Variants in PDZD9 observed in about 807,000 individuals in gnomAD.
PDZD9 encodes PDZ domain containing 9, also known as PDZ domain-containing protein 9.
PDZD9 carries 13 observed loss-of-function variants against 16.3 expected under a neutral mutation model. The observed-to-expected ratio is 0.80, with a 90% CI of 0.52 to 1.27. The LOEUF (loss-of-function observed/expected upper bound fraction) is 1.27. Ranked by LOEUF, PDZD9 falls within the 50% of genes most tolerant of loss-of-function variation. The probability of loss-of-function intolerance (pLI) is 0.00; values close to 1 mark genes in which losing one functional copy is unlikely to be tolerated. For missense variants in PDZD9, 288 were observed against 310.9 expected, an observed-to-expected ratio of 0.93 and a Z score of 0.55; for synonymous variants, 120 against 111.0, an observed-to-expected ratio of 1.08 and a Z score of -0.51.
chr16:21,960,972 A>G, the PDZD9 span, among the ~76,000 whole-genome samples: 1 of 152,092 alleles, frequency 6.6e-6, no homozygotes, highest in Non-Finnish European at 1.5e-5. Context: ...CTAGGACTAT[A>G]GGCACATGAC....
the PDZD9 span, chr16:21,968,767 G>C: frequency 7.6e-7 from 1 of 1,308,024 alleles, no homozygotes; most frequent in Non-Finnish European, 1.0e-6. Flanking sequence ...ACATAGGATT[G>C]AACAAAATTT....
intron 3 of PDZD9, among the ~76,000 whole-genome samples, chr16:21,986,913 CT>C (rs1342372784): frequency 6.6e-6 from 1 of 152,102 alleles, no homozygotes; most frequent in East Asian, 1.9e-4. Flanking sequence ...TGCAAAGACC[CT>C]GAGGCAAAAC....
the PDZD9 span, among the ~76,000 whole-genome samples, chr16:21,974,327 G>A: frequency 3.3e-5 from 5 of 152,108 alleles, no homozygotes; most frequent in African/African-American, 1.2e-4. Flanking sequence ...AGGGATATGT[G>A]TGAATGATTG....
the PDZD9 span, chr16:21,968,694 A>C: frequency 6.2e-7 from 1 of 1,604,438 alleles, no homozygotes; most frequent in East Asian, 2.3e-5. Context: ...TGGTAAGTTT[A>C]GAGTATTGCC....
At chr16:21,983,360 C>G (rs543763530), downstream of PDZD9, 47 of 530,032 alleles carry the variant, frequency 8.9e-5, no homozygotes, top group Non-Finnish European at 1.4e-4. Flanking sequence ...GTTTTTCTTA[C>G]GTTTTTCTCA....
At chr16:21,961,261 G>A in the PDZD9 span, 1 of 411,070 alleles carries the variant, frequency 2.4e-6, no homozygotes, top group Non-Finnish European at 4.9e-6. Context: ...AAACCCCACA[G>A]TTTTTAATCA....
At chr16:21,961,628 A>T in the PDZD9 span, among the ~76,000 whole-genome samples, 83 of 28,636 alleles carry the variant, frequency 2.9e-3, 1 homozygote, top group African/African-American at 4.3e-3. Context: ...CATAAAATTT[A>T]TATATATATA....
the PDZD9 span, chr16:21,958,388 C>T: frequency 2.8e-6 from 2 of 712,696 alleles, no homozygotes; most frequent in Non-Finnish European, 4.8e-6. Flanking sequence ...TTTTGTTGAG[C>T]CTTGTTTTAT....
intron 2 of PDZD9, among the ~76,000 whole-genome samples, chr16:21,993,902 C>G (rs1899083018): frequency 6.6e-6 from 1 of 152,190 alleles, no homozygotes; most frequent in African/African-American, 2.4e-5. Context: ...ATGGCTCACA[C>G]CTGTAATCCC....
At chr16:21,968,785 T>C in the PDZD9 span, 5 of 1,071,704 alleles carry the variant, frequency 4.7e-6, no homozygotes, top group East Asian at 1.4e-4. Flanking sequence ...TTTGAAAACT[T>C]CGGCCTTCTA....
chr16:21,962,370 C>G, the PDZD9 span: 1 of 1,477,860 alleles, frequency 6.8e-7, no homozygotes, highest in South Asian at 1.2e-5. Context: ...CAGAAATTTT[C>G]TTTCCAAAGG....
intron 1 of PDZD9, among the ~76,000 whole-genome samples, chr16:22,000,734 G>A (rs1239279302): frequency 1.3e-5 from 2 of 151,970 alleles, no homozygotes; most frequent in African/African-American, 4.8e-5. Flanking sequence ...TAAGGCAGAG[G>A]AATCACTTGA....
the PDZD9 span, chr16:21,961,206 T>C: frequency 3.5e-6 from 1 of 288,306 alleles, no homozygotes; most frequent in Admixed American, 3.8e-5. Flanking sequence ...TATAAATTGA[T>C]ACAACCACTT....
chr16:21,967,525 C>T, the PDZD9 span, among the ~76,000 whole-genome samples: 3 of 152,008 alleles, frequency 2.0e-5, no homozygotes, highest in Admixed American at 6.6e-5. Flanking sequence ...TTTAGCCCTA[C>T]TTTTGTATAT....
chr16:21,995,388 C>T (rs574984843), intron 2 of PDZD9: 21 of 394,530 alleles, frequency 5.3e-5, no homozygotes, highest in South Asian at 1.7e-4. Context: ...AGTGCAAGAA[C>T]GGACTAATAT....
chr16:21,962,825 G>GCTGA, the PDZD9 span: 1 of 1,614,138 alleles, frequency 6.2e-7, no homozygotes, highest in Non-Finnish European at 8.5e-7. Flanking sequence ...TTGGGAAGTA[G>GCTGA]CTGACCTTCA....
At chr16:21,983,235 A>G, downstream of PDZD9, 1 of 1,458,532 alleles carries the variant, frequency 6.9e-7, no homozygotes, top group Non-Finnish European at 9.5e-7. Context: ...CAAACACATG[A>G]AAGTCAGAAG....
At chr16:21,965,466 T>A in the PDZD9 span, 1 of 1,613,232 alleles carries the variant, frequency 6.2e-7, no homozygotes, top group Non-Finnish European at 8.5e-7. Flanking sequence ...ATCCCTTGTA[T>A]TGTCCTGACT....
At chr16:21,961,406 C>G in the PDZD9 span, 3 of 358,442 alleles carry the variant, frequency 8.4e-6, no homozygotes, top group African/African-American at 4.2e-5. Flanking sequence ...CATACGTCAA[C>G]ATAGCACAAC....
Sources: gnomAD v4.1 joint callset for allele counts (sites outside exome capture counted in the v4.1 genomes callset) on GRCh38, gnomAD v4.1.1 for gene constraint, MANE v1.5 for transcripts, NCBI Gene and HGNC (gene_info 2026-07-23, HGNC 2026-07-21) for gene names.